Variants in AMN1 observed in about 807,000 individuals in gnomAD.
The protein encoded by AMN1 is antagonist of mitotic exit network 1 homolog.
AMN1 carries 20 observed loss-of-function variants against 33.0 expected under a neutral mutation model. The observed-to-expected ratio is 0.61, with a 90% CI of 0.43 to 0.88. AMN1 has a LOEUF of 0.88. Ranked by LOEUF, AMN1 falls within the 40% of genes least tolerant of loss-of-function variation. The probability of loss-of-function intolerance (pLI) is 0.00; values close to 1 mark genes in which losing one functional copy is unlikely to be tolerated. For synonymous variants in AMN1, 114 were observed against 111.9 expected (o/e 1.02, Z -0.12); for missense variants, 246 against 307.4 (o/e 0.80, Z 1.49).
intron 2 of AMN1, among the ~76,000 whole-genome samples, chr12:31,705,777 G>T (rs1939210145): frequency 6.6e-6 from 1 of 152,114 alleles, no homozygotes; most frequent in Non-Finnish European, 1.5e-5. Context: ...TAGCCCTCCT[G>T]TGCAGACAAC....
At chr12:31,704,803 C>T (rs1939154199) in intron 2 of AMN1, among the ~76,000 whole-genome samples, 1 of 152,098 alleles carries the variant, frequency 6.6e-6, no homozygotes, top group Non-Finnish European at 1.5e-5. Context: ...CCTCTTCACC[C>T]CTCCTTTTAA....
At chr12:31,700,964 C>T (rs548117782) in intron 3 of AMN1, among the ~76,000 whole-genome samples, 2 of 152,116 alleles carry the variant, frequency 1.3e-5, no homozygotes, top group African/African-American at 4.8e-5. Context: ...GCTGGGATTA[C>T]AGGCGTGAGC....
intron 5 of AMN1, among the ~76,000 whole-genome samples, chr12:31,696,121 C>A (rs1382092188): frequency 5.9e-5 from 9 of 151,848 alleles, no homozygotes; most frequent in African/African-American, 2.2e-4. Context: ...CCTGCAGTCC[C>A]AGCTACTCAG....
chr12:31,723,557 G>A (rs1027918835), intron 1 of AMN1, among the ~76,000 whole-genome samples: 5 of 152,096 alleles, frequency 3.3e-5, no homozygotes, highest in African/African-American at 9.7e-5. Context: ...TGATCCACCC[G>A]CCTCGGCCTC....
chr12:31,720,121 T>C (rs779273752), intron 1 of AMN1, among the ~76,000 whole-genome samples: 22 of 152,258 alleles, frequency 1.4e-4, no homozygotes, highest in Non-Finnish European at 2.6e-4. Flanking sequence ...AAAGATAATA[T>C]GAAATTAATC....
upstream of AMN1, chr12:31,729,095 A>C (rs1184777654): frequency 1.9e-5 from 27 of 1,403,236 alleles, no homozygotes; most frequent in Non-Finnish European, 2.5e-5. Flanking sequence ...CCACCGCGCG[A>C]CGCGTAGGTT....
chr12:31,713,188 G>A (rs55637317), intron 1 of AMN1, among the ~76,000 whole-genome samples: 30,488 of 151,892 alleles, frequency 0.2, 3,317 homozygotes, highest in Admixed American at 0.27. Context: ...TATTATCTAC[G>A]TGAGAGATGT....
intron 1 of AMN1, among the ~76,000 whole-genome samples, chr12:31,710,233 T>C (rs981154964): frequency 6.6e-6 from 1 of 152,018 alleles, no homozygotes; most frequent in Non-Finnish European, 1.5e-5. Flanking sequence ...GAAAGTAGAG[T>C]TATCAGGCAA....
At chr12:31,679,251 G>A (rs780196360) in intron 6 of AMN1, among the ~76,000 whole-genome samples, 1 of 152,132 alleles carries the variant, frequency 6.6e-6, no homozygotes, top group Admixed American at 6.6e-5. Flanking sequence ...TGCTGGCTGG[G>A]TGTGGTGGCT....
intron 6 of AMN1, among the ~76,000 whole-genome samples, chr12:31,684,555 C>T (rs542235135): frequency 4.0e-4 from 61 of 151,162 alleles, no homozygotes; most frequent in African/African-American, 1.3e-3. Context: ...ACTGCAAGCT[C>T]GGCCTCCCAA....
chr12:31,724,714 C>T (rs886403112), intron 1 of AMN1, among the ~76,000 whole-genome samples: 11 of 152,228 alleles, frequency 7.2e-5, no homozygotes, highest in Non-Finnish European at 7.3e-5. Flanking sequence ...CTCTCAGTCT[C>T]TTTCATCTTA....
chr12:31,694,269 C>A (rs1330679021), intron 5 of AMN1, among the ~76,000 whole-genome samples: 2 of 151,578 alleles, frequency 1.3e-5, no homozygotes, highest in Non-Finnish European at 2.9e-5. Flanking sequence ...TGGTGAAACC[C>A]TGGCTCTACT....
At chr12:31,691,347 C>A (rs1237120230) in intron 5 of AMN1, among the ~76,000 whole-genome samples, 1 of 151,588 alleles carries the variant, frequency 6.6e-6, no homozygotes, top group East Asian at 1.9e-4. Flanking sequence ...CAAAGTAAAT[C>A]AGTGGTTGCC....
chr12:31,674,893 G>A (rs923833743), intron 6 of AMN1, among the ~76,000 whole-genome samples: 12 of 151,952 alleles, frequency 7.9e-5, no homozygotes, highest in Admixed American at 3.9e-4. Flanking sequence ...ATGGTGGTGG[G>A]TGCTTGTAAT....
intron 1 of AMN1, among the ~76,000 whole-genome samples, chr12:31,716,368 A>G (rs548186418): frequency 5.9e-5 from 9 of 152,178 alleles, no homozygotes; most frequent in Non-Finnish European, 1.0e-4. Flanking sequence ...AACTGAGTGT[A>G]TATATCTAGT....
upstream of AMN1, chr12:31,729,143 G>T: frequency 3.0e-6 from 3 of 1,009,370 alleles, no homozygotes; most frequent in Non-Finnish European, 4.3e-6. Context: ...TGACCGGGGC[G>T]TGGCCACGCT....
intron 1 of AMN1, among the ~76,000 whole-genome samples, chr12:31,713,455 A>G (rs992932066): frequency 6.6e-6 from 1 of 152,238 alleles, no homozygotes; most frequent in African/African-American, 2.4e-5. Context: ...ATACAGAAAT[A>G]TAAAACAGGG....
rs199712749 is a variant in AMN1, at chr12:31,697,412, A to G, written c.540T>C (p.Ser180=). The G allele has an allele frequency of 3.7e-6, 6 of 1,613,112 alleles. No individual in the cohort carries two copies. The highest frequency in any genetic ancestry group is 1.7e-4 in the Middle Eastern group (1 of 6,056). The part of the protein sequence containing the change: ...QCVDFSATQV[S]DSGVIALVSG... ...TAACAAGTGCAATCACACCACTGTC[A>G]GATACCTAAGCAAAGGGAAAAAGAA... Residue 180 remains serine, a synonymous_variant, in exon 5 of 7, where the codon TCT becomes TCC. Coordinates refer to ENST00000281471, the MANE Select transcript of AMN1 (RefSeq NM_001113402.2).
intron 3 of AMN1, among the ~76,000 whole-genome samples, chr12:31,700,868 T>C (rs1276312793): frequency 6.6e-6 from 1 of 151,054 alleles, no homozygotes; most frequent in Non-Finnish European, 1.5e-5. Flanking sequence ...TTTTTGTAGT[T>C]TTAGTAGAGA....
Sources: allele counts gnomAD v4.1 joint callset (sites outside exome capture counted in the v4.1 genomes callset), GRCh38; gene constraint gnomAD v4.1.1; transcripts MANE v1.5; gene names NCBI Gene and HGNC (gene_info 2026-07-23, HGNC 2026-07-21).